The following CCDC144A variants were observed in gnomAD, a reference collection of about 807,000 sequenced individuals.
The protein encoded by CCDC144A is coiled-coil domain containing 144A, also known as coiled-coil domain-containing protein 144A.
CCDC144A carries 41 observed loss-of-function variants against 143.8 expected under a neutral mutation model. That is an observed-to-expected ratio of 0.29 (90% CI 0.22 to 0.37). CCDC144A has a LOEUF of 0.37. Ranked by LOEUF, CCDC144A falls within the 10% of genes least tolerant of loss-of-function variation. The probability of loss-of-function intolerance (pLI) is 1.00; values close to 1 mark genes in which losing one functional copy is unlikely to be tolerated. For missense variants in CCDC144A, 637 were observed against 1,488.8 expected (o/e 0.43, Z 9.41); for synonymous variants, 242 against 517.9 (o/e 0.47, Z 7.23).
Position 16,776,070 on chromosome 17 carries a change from GT to G in CCDC144A, c.*2439del, listed in dbSNP as rs1915992596. The stretch of plus-strand genomic sequence containing the variant: ...TTCTGTTCCATTGGTCTATGTGTCG[GT>G]TCTTGTACCAGCACTATGCTGTTTT... On this transcript the variant is annotated 3_prime_UTR_variant, in exon 17 of 17. Transcript: ENST00000399273. 3.9e-5 allele frequency: 6 copies of G among 152,246 alleles called. No homozygotes were observed. Among genetic ancestry groups the G allele is most frequent in the Admixed American group, 3.9e-4 (6 of 15,278 alleles). 9.4% of individuals were successfully genotyped at this position (152,246 alleles called of 1,614,324 possible). A position where few individuals can be genotyped will look rare whatever the true frequency, so the allele number is the denominator to read the frequency against.
chr17:16,683,377 C>T, the CCDC144A span: 1 of 668,450 alleles, frequency 1.5e-6, no homozygotes, highest in Non-Finnish European at 2.6e-6. Context: ...TAGGACAACT[C>T]TCTTTGTAAA....
intron 12 of CCDC144A, among the ~76,000 whole-genome samples, chr17:16,755,699 A>G (rs1290746353): frequency 6.6e-6 from 1 of 152,202 alleles, no homozygotes; most frequent in Non-Finnish European, 1.5e-5. Flanking sequence ...AGCTGGGACC[A>G]CAGGCATGAG....
chr17:16,760,098 C>T (rs1659129533), intron 12 of CCDC144A, among the ~76,000 whole-genome samples: 2 of 152,218 alleles, frequency 1.3e-5, no homozygotes, highest in Non-Finnish European at 2.9e-5. Flanking sequence ...GGCATGTTGG[C>T]TGCATTTTAA....
In CCDC144A at chr17:16,690,593, G is replaced by A. The variant is rs1910999662; in HGVS notation, c.193G>A (p.Gly65Ser). Reference sequence around the variant, plus strand: ...CAGCGTCGGCAGCGAGAGCAAGCACGGTGAGGGCGCCTTAGACCAGCCCCA... The same window carrying A: ...CAGCGTCGGCAGCGAGAGCAAGCACAGTGAGGGCGCCTTAGACCAGCCCCA... ...KNSVGSESKH[G>S]EGALDQPQHD... Residue 65 changes from glycine to serine, a missense_variant, in exon 1 of 17, where the codon GGT becomes AGT. Coordinates refer to ENST00000399273, the MANE Select transcript of CCDC144A (RefSeq NM_001382000.1). The A allele has an allele frequency of 1.9e-6, 3 of 1,613,642 alleles. No individual in the cohort carries two copies. Among genetic ancestry groups the A allele is most frequent in the African/African-American group, 2.7e-5 (2 of 74,926 alleles).
At position 16,709,221 on chromosome 17, in the gene CCDC144A, C is replaced by T; in HGVS notation, c.1164C>T (p.Cys388=). The change falls in exon 5 of 17, where the codon TGC becomes TGT. Residue 388 remains cysteine, a synonymous_variant. Coordinates refer to ENST00000399273, the MANE Select transcript of CCDC144A (RefSeq NM_001382000.1). ...HPYSGSQEHV[C]QSSSKFHLHE... is the part of the protein sequence containing the mutation. ...ACTCTGGGTCCCAGGAACATGTTTG[C>T]CAGTCATCTTCTAAGTTTCATTTAC... The T allele has an allele frequency of 6.2e-7, 1 of 1,611,638 alleles. No individual in the cohort carries two copies. The highest frequency in any genetic ancestry group is 1.7e-5 in the Admixed American group (1 of 60,014).
chr17:16,721,122 A>C (rs1408329254), intron 8 of CCDC144A, among the ~76,000 whole-genome samples: 1 of 152,044 alleles, frequency 6.6e-6, no homozygotes, highest in Non-Finnish European at 1.5e-5. Flanking sequence ...TTTATCCTGC[A>C]TCGTTTTTAC....
intron 16 of CCDC144A, among the ~76,000 whole-genome samples, chr17:16,772,431 G>A (rs1402225318): frequency 1.3e-5 from 2 of 150,410 alleles, no homozygotes; most frequent in African/African-American, 4.9e-5. Flanking sequence ...CGCTTGAGAG[G>A]TAACACTTTA....
upstream of CCDC144A, among the ~76,000 whole-genome samples, chr17:16,687,940 G>A (rs190469190): frequency 2.3e-4 from 34 of 151,084 alleles, no homozygotes; most frequent in African/African-American, 7.8e-4. Flanking sequence ...GAGTGTAGTT[G>A]ATACATCTGT....
intron 15 of CCDC144A, among the ~76,000 whole-genome samples, chr17:16,769,512 G>A (rs1266489895): frequency 6.6e-6 from 1 of 152,228 alleles, no homozygotes; most frequent in Non-Finnish European, 1.5e-5. Context: ...TCACAACATG[G>A]ATAATTGACT....
chr17:16,724,984 G>T (rs922647458), intron 8 of CCDC144A, among the ~76,000 whole-genome samples: 6 of 105,946 alleles, frequency 5.7e-5, no homozygotes, highest in Non-Finnish European at 9.6e-5. Context: ...ATTAGGAAAT[G>T]ACTGTTTATA....
intron 12 of CCDC144A, among the ~76,000 whole-genome samples, chr17:16,756,990 C>A (rs1211672967): frequency 3.9e-5 from 6 of 152,258 alleles, no homozygotes; most frequent in Admixed American, 3.9e-4. Context: ...GACAGCAGGC[C>A]AGTCCTCAGG....
At chr17:16,686,613 C>T (rs1337894347), upstream of CCDC144A, among the ~76,000 whole-genome samples, 1 of 151,412 alleles carries the variant, frequency 6.6e-6, no homozygotes, top group Non-Finnish European at 1.5e-5. Flanking sequence ...CGGGACCAGC[C>T]TGGGCAACAT....
chr17:16,716,898 C>T (rs531528045), intron 6 of CCDC144A, among the ~76,000 whole-genome samples: 101 of 150,264 alleles, frequency 6.7e-4, no homozygotes, highest in African/African-American at 2.4e-3. Context: ...ACTGCAAGCT[C>T]CGCCTCCTGG....
chr17:16,720,590 G>C lies in CCDC144A; in HGVS notation c.1823G>C (p.Cys608Ser). The C allele has an allele frequency of 6.2e-7, 1 of 1,611,002 alleles. No individual in the cohort carries two copies. Among genetic ancestry groups the C allele is most frequent in the Non-Finnish European group, 8.5e-7 (1 of 1,178,322 alleles). ...CCATCTGAAATAGCCTCAGAGGATTGTGAATTGTCTCACTCTGTTTATGAG... is the reference window on the plus strand; with the variant it reads ...CCATCTGAAATAGCCTCAGAGGATTCTGAATTGTCTCACTCTGTTTATGAG... ...MEPSEIASED[C>S]ELSHSVYENF... Residue 608 changes from cysteine (C) to serine (S), a missense_variant, in exon 8 of 17, where the codon TGT (cysteine) becomes TCT (serine). Coordinates refer to ENST00000399273, the MANE Select transcript of CCDC144A (RefSeq NM_001382000.1).
chr17:16,683,445 G>A, the CCDC144A span: 1 of 1,191,450 alleles, frequency 8.4e-7, no homozygotes, highest in Non-Finnish European at 1.2e-6. Context: ...CGATGAGCCG[G>A]CTTCTGTCCC....
At chr17:16,678,585 C>CTTTCTTTT in the CCDC144A span, among the ~76,000 whole-genome samples, 41 of 136,868 alleles carry the variant, frequency 3.0e-4, 1 homozygote, top group Non-Finnish European at 4.1e-4. Context: ...TTTTTCTTTT[C>CTTTCTTTT]TTTTTTTTTT....
chr17:16,711,148 AAAAAAAAAAAC>A (rs1218888761), intron 5 of CCDC144A, among the ~76,000 whole-genome samples: 1 of 140,786 alleles, frequency 7.1e-6, no homozygotes, highest in Non-Finnish European at 1.5e-5. Flanking sequence ...AAAAAAAAAA[AAAAAAAAAAAC>A]AAAAGTTAGT....
At chr17:16,711,147 A>AAAAAAAAACAAAC (rs1567589721) in intron 5 of CCDC144A, among the ~76,000 whole-genome samples, 3 of 140,144 alleles carry the variant, frequency 2.1e-5, no homozygotes, top group African/African-American at 7.9e-5. Flanking sequence ...AAAAAAAAAA[A>AAAAAAAAACAAAC]AAAAAAAAAA....
intron 15 of CCDC144A, among the ~76,000 whole-genome samples, chr17:16,768,005 C>G (rs1567612465): frequency 6.6e-6 from 1 of 152,262 alleles, no homozygotes; most frequent in Non-Finnish European, 1.5e-5. Flanking sequence ...GAAATTATTA[C>G]CACACCAATT....
Sources: allele counts gnomAD v4.1 joint callset (sites outside exome capture counted in the v4.1 genomes callset), GRCh38; gene constraint gnomAD v4.1.1; transcripts MANE v1.5; gene names NCBI Gene and HGNC (gene_info 2026-07-23, HGNC 2026-07-21).